Variants in KIF1C observed in about 807,000 individuals in gnomAD.
The protein encoded by KIF1C is kinesin family member 1C.
In KIF1C, 61 loss-of-function variants were observed where a neutral mutation model predicts 126.5. The observed-to-expected ratio is 0.48, with a 90% CI of 0.39 to 0.60. The LOEUF is 0.60. KIF1C is among the 20% of genes least tolerant of loss of function. The pLI is 0.00. For missense variants in KIF1C, 1,315 were observed against 1,489.2 expected (o/e 0.88, Z 1.93); for synonymous variants, 640 against 580.6 (o/e 1.10, Z -1.47).
At chr17:5,010,375 T>A (rs1974834601) in intron 16 of KIF1C, among the ~76,000 whole-genome samples, 1 of 152,212 alleles carries the variant, frequency 6.6e-6, no homozygotes, top group Non-Finnish European at 1.5e-5. Flanking sequence ...AAGGCTACAA[T>A]GCATAGTCTT....
chr17:5,004,826 C>T (rs775604157), intron 12 of KIF1C, 29 bp from the exon 13 acceptor site: 2 of 1,613,878 alleles, frequency 1.2e-6, no homozygotes, highest in Non-Finnish European at 1.7e-6. Context: ...GCCCCCAGGC[C>T]TCACCGACCC....
chr17:5,002,672 G>C (rs1453658820), intron 7 of KIF1C, 30 bp downstream of exon 7: 2 of 1,611,704 alleles, frequency 1.2e-6, no homozygotes, highest in African/African-American at 1.3e-5. Flanking sequence ...CAGAGGGCAA[G>C]GGGGCCAGGG....
At chr17:5,005,949 G>A (rs1409157769) in intron 13 of KIF1C, among the ~76,000 whole-genome samples, 1 of 151,856 alleles carries the variant, frequency 6.6e-6, no homozygotes, top group Non-Finnish European at 1.5e-5. Flanking sequence ...GCTCACGCCT[G>A]TAATCCCAGC....
At chr17:5,007,632 G>T in intron 16 of KIF1C, 90 bp downstream of exon 16, 1 of 1,074,910 alleles carries the variant, frequency 9.3e-7, no homozygotes, top group Non-Finnish European at 1.3e-6. Context: ...TGCTGTCCCT[G>T]ATCGCTCCCT....
rs1975077056 is a variant in KIF1C at position 5,020,933 on chromosome 17, G to C, written c.2010+55G>C. On this transcript the variant is annotated intron_variant, in intron 21 of 22. Coordinates refer to ENST00000320785, the MANE Select transcript of KIF1C (RefSeq NM_006612.6). The surrounding 1 kb of genome is among the most constrained non-coding windows in gnomAD (Gnocchi z 5.8). ...TGATGGGCAGATGAGCCGCAAGCCT[G>C]AGTCCGAGTGCAGTGCTCACCGCTG... is the stretch of plus-strand genomic sequence containing the variant. 2.0e-6 allele frequency: 3 copies of C among 1,469,198 alleles called. No homozygotes were observed. The Admixed American group carries it at 5.9e-5, about 29-fold the overall frequency. The allele number at this position is 1,469,198 out of a possible 1,614,324, so 91.0% of individuals were successfully genotyped here.
rs561793140 is a variant in KIF1C at position 5,000,076 on chromosome 17, G to A, written c.-28+106G>A. ...CAAGACAGTGACATTTGGGAGGAAA[G>A]CCAAGGGAATAAGAGCTGGGTCCTT... On this transcript the variant is annotated intron_variant, in intron 2 of 22. Transcript: ENST00000320785. The A allele has an allele frequency of 4.3e-5, 26 of 601,750 alleles. No individual in the cohort carries two copies. The Admixed American group carries it at 5.7e-4, about 13-fold the overall frequency. The allele number at this position is 601,750 out of a possible 1,614,324, so 37.3% of individuals were successfully genotyped here.
In KIF1C at chr17:5,004,526, C is replaced by T. The variant is rs199963453; in HGVS notation, c.941-41C>T. The stretch of plus-strand genomic sequence containing the variant: ...GTGACCCGGTCTGACTTTGCTTAGC[C>T]CCTCCCTCAGCTGAAGCTTTTCCAT... On this transcript the variant is annotated intron_variant, in intron 11 of 22. Transcript: ENST00000320785. 290 of 1,592,974 alleles carry T rather than the reference C, an allele frequency of 1.8e-4. 4 individuals are homozygous for T. Among genetic ancestry groups the T allele is most frequent in the African/African-American group, 1.4e-3 (104 of 74,670 alleles).
rs376135192 is a variant in KIF1C, at chr17:5,004,850, C to A, written c.1020-5C>A. 9 of 1,614,088 alleles carry A rather than the reference C, an allele frequency of 5.6e-6. No individual in the cohort carries two copies. In the African/African-American group the frequency reaches 1.2e-4, roughly 22 times the overall value. On this transcript the variant is annotated splice_polypyrimidine_tract_variant and splice_region_variant and intron_variant, in intron 12 of 22. Coordinates refer to ENST00000320785, the MANE Select transcript of KIF1C (RefSeq NM_006612.6). Reference sequence around the variant, plus strand: ...CCTCACCGACCCTGCTCCTCTGTCACCCAGGTATGCTGACCGCACCAAGCA... The same window carrying A: ...CCTCACCGACCCTGCTCCTCTGTCAACCAGGTATGCTGACCGCACCAAGCA...
In KIF1C at chr17:5,002,927, C is replaced by A. The variant is rs141532490; in HGVS notation, c.720+85C>A. On this transcript the variant is annotated intron_variant, in intron 8 of 22. Coordinates refer to ENST00000320785, the MANE Select transcript of KIF1C (RefSeq NM_006612.6). ...AGTGACATGGTAGAAGGGTCTTGGGCCCTCCCTGCCCATGCTGGGTTGAGT... is the reference window on the plus strand; with the variant it reads ...AGTGACATGGTAGAAGGGTCTTGGGACCTCCCTGCCCATGCTGGGTTGAGT... 7.4e-4 allele frequency: 795 copies of A among 1,074,404 alleles called. 9 individuals carry two copies. In the East Asian group the frequency reaches 0.017, roughly 24 times the overall value. The allele number at this position is 1,074,404 out of a possible 1,614,324, so 66.6% of individuals were successfully genotyped here. A position where few individuals can be genotyped will look rare whatever the true frequency, so the allele number is the denominator to read the frequency against.
intron 11 of KIF1C, 57 bp downstream of exon 11, chr17:5,004,130 A>C (rs1974671173): frequency 8.2e-7 from 1 of 1,217,704 alleles, no homozygotes; most frequent in South Asian, 1.2e-5. Flanking sequence ...AACTCTTTTG[A>C]TACATCTGAC....
At chr17:5,021,171 T>G (rs1209816530) in intron 21 of KIF1C, among the ~76,000 whole-genome samples, 1 of 95,848 alleles carries the variant, frequency 1.0e-5, no homozygotes, top group Non-Finnish European at 2.4e-5. Context: ...TTGTTGTGGT[T>G]TTTTTTTTTT....
intron 13 of KIF1C, 28 bp from the exon 14 acceptor site, chr17:5,006,887 C>T (rs1339343023): frequency 6.2e-7 from 1 of 1,610,894 alleles, no homozygotes; most frequent in Admixed American, 1.7e-5. Context: ...TCCTTAGCCT[C>T]ATTCTTTTTC....
chr17:5,010,522 G>A (rs909080067), intron 16 of KIF1C, among the ~76,000 whole-genome samples: 1 of 151,996 alleles, frequency 6.6e-6, no homozygotes, highest in Non-Finnish European at 1.5e-5. Flanking sequence ...GCCGAGGCGG[G>A]CGGATCACGA....
In KIF1C at chr17:5,015,261, A is replaced by ATTTCTT. The variant is rs374416278; in HGVS notation, c.1666+452_1666+457dup. On this transcript the variant is annotated intron_variant, in intron 18 of 22. Coordinates refer to ENST00000320785, the MANE Select transcript of KIF1C (RefSeq NM_006612.6). ...CCTCTATCCAGCTATGACTGCCGAGATTTCTTTTTCTTTTTCTTTTTCTTT... is the reference window on the plus strand; with the variant it reads ...CCTCTATCCAGCTATGACTGCCGAGATTTCTTTTTCTTTTTCTTTTTCTTTTTCTTT... 3.9e-3 allele frequency among the ~76,000 whole-genome samples: 596 copies of ATTTCTT among 151,946 alleles called. 1 individual carries two copies. Among genetic ancestry groups the ATTTCTT allele is most frequent in the Middle Eastern group, 6.8e-3 (2 of 294 alleles).
At position 5,023,686 on chromosome 17, in the gene KIF1C, G is replaced by A. The variant is rs765582742; in HGVS notation, c.2847G>A (p.Leu949=). The A allele has an allele frequency of 1.9e-6, 3 of 1,598,038 alleles. No individual in the cohort carries two copies. The highest frequency in any genetic ancestry group is 2.6e-6 in the Non-Finnish European group (3 of 1,171,194). The change falls in exon 23 of 23, where the codon CTG becomes CTA. Residue 949 remains leucine (L), a synonymous_variant. Transcript: ENST00000320785. The surrounding 1 kb of genome is among the most constrained non-coding windows in gnomAD (Gnocchi z 4.2). ...LRWLKQEQLR[L]QGLQGSGGRG... ...GGCTCAAGCAGGAGCAGCTACGGCT[G>A]CAGGGACTGCAGGGCTCTGGGGGCC...
In KIF1C at chr17:5,012,683, G is replaced by A. The variant is rs1274049941; in HGVS notation, c.1492-970G>A. On this transcript the variant is annotated intron_variant, in intron 16 of 22. Transcript: ENST00000320785. ...CTAAGGGGTGGCAGGAAGGCAGGTG[G>A]GCCTGGTGCAGGGTGGTGCCGAGGG... 6.6e-5 allele frequency among the ~76,000 whole-genome samples: 10 copies of A among 152,204 alleles called. 1 individual carries two copies. Among genetic ancestry groups the A allele is most frequent in the African/African-American group, 2.4e-4 (10 of 41,530 alleles).
rs771984501 is a variant in KIF1C at position 5,014,760 on chromosome 17, T to C, written c.1589T>C (p.Met530Thr). ...TTCCCCAGGGTCGGCCAAGTAGATA[T>C]GGACATCAAGCTGACCGGACAGTTC... Reference protein sequence around the residue: ...DGVTRVGQVDMDIKLTGQFIR... With the variant: ...DGVTRVGQVDTDIKLTGQFIR... Residue 530 changes from methionine (M) to threonine (T), a missense_variant, in exon 18 of 23, where the codon ATG (methionine) becomes ACG (threonine). By Grantham distance (81) the Met-to-Thr change is moderately conservative (BLOSUM62 -1). Around this residue, in one of 2 missense-constraint regions of KIF1C, gnomAD observed 874 missense variants for 1,053.2 expected, o/e 0.83. Transcript: ENST00000320785. 21 of 1,596,922 alleles carry C rather than the reference T, an allele frequency of 1.3e-5. No individual in the cohort carries two copies. Among genetic ancestry groups the C allele is most frequent in the Non-Finnish European group, 1.5e-5 (18 of 1,172,258 alleles).
In KIF1C at chr17:5,013,676, C is replaced by CGAA; in HGVS notation, c.1518_1520dup (p.Glu506dup). 1 of 1,613,750 alleles carries CGAA rather than the reference C, an allele frequency of 6.2e-7. No individual in the cohort carries two copies. Among genetic ancestry groups the CGAA allele is most frequent in the Non-Finnish European group, 8.5e-7 (1 of 1,179,740 alleles). On this transcript the variant is annotated inframe_insertion, in exon 17 of 23. Transcript: ENST00000320785. The stretch of plus-strand genomic sequence containing the variant: ...AGACTCCCCACCTGGTGAACCTGAA[C>CGAA]GAAGACCCTCTGATGTCTGAGTGTC...
chr17:5,019,845 C>A, intron 18 of KIF1C, 151 bp from the exon 19 acceptor site: 1 of 639,848 alleles, frequency 1.6e-6, no homozygotes, highest in Non-Finnish European at 2.9e-6. Flanking sequence ...CTGCCTGCCA[C>A]CAGAGGGGCC....
Sources: gnomAD v4.1 joint callset for allele counts (sites outside exome capture counted in the v4.1 genomes callset) on GRCh38, gnomAD v4.1.1 for gene constraint, gnomAD v4.1.1 regional missense constraint, Gnocchi (gnomAD v3.1) non-coding constraint, MANE v1.5 for transcripts, NCBI Gene and HGNC (gene_info 2026-07-23, HGNC 2026-07-21) for gene names.